Variants in PTPRD observed in about 807,000 individuals in gnomAD.
PTPRD encodes the protein protein tyrosine phosphatase receptor type D.
PTPRD carries 34 observed loss-of-function variants against 214.5 expected under a neutral mutation model. That is an observed-to-expected ratio of 0.16 (90% CI 0.12 to 0.21). The LOEUF is 0.21. Among genes scored for constraint, PTPRD ranks in the 10% least tolerant of loss-of-function variants. PTPRD has a pLI of 1.00. For synonymous variants in PTPRD, 1,128 were observed against 845.7 expected (o/e 1.33, Z -5.79); for missense variants, 2,545 against 2,398.7 (o/e 1.06, Z -1.27).
chr9:8,460,051 G>A (rs1200001896), intron 33 of PTPRD, among the ~76,000 whole-genome samples: 2 of 152,042 alleles, frequency 1.3e-5, no homozygotes, highest in African/African-American at 4.8e-5. Flanking sequence ...CACTGAAATC[G>A]AGCAATTAAT....
At chr9:8,538,065 C>T (rs1488748021) in intron 14 of PTPRD, among the ~76,000 whole-genome samples, 1 of 151,922 alleles carries the variant, frequency 6.6e-6, no homozygotes, top group African/African-American at 2.4e-5. Context: ...AATACTTAGG[C>T]ATCAGGGAAA....
At chr9:8,749,483 C>G (rs1565774259) in intron 11 of PTPRD, among the ~76,000 whole-genome samples, 1 of 152,152 alleles carries the variant, frequency 6.6e-6, no homozygotes, top group African/African-American at 2.4e-5. Context: ...CCACCATGAC[C>G]AGGTGAAGTT....
At chr9:10,000,745 T>C (rs1018015470) in intron 4 of PTPRD, among the ~76,000 whole-genome samples, 18 of 152,332 alleles carry the variant, frequency 1.2e-4, no homozygotes, top group South Asian at 1.0e-3. Context: ...TGCTGGTGAT[T>C]AGAAACTAGG....
intron 12 of PTPRD, 79 bp from the exon 13 acceptor site, chr9:8,636,923 C>A (rs1182293422): frequency 7.3e-7 from 1 of 1,377,420 alleles, no homozygotes; most frequent in South Asian, 1.3e-5. Flanking sequence ...GCTCTCCCCA[C>A]CATCCTCAAC....
At chr9:10,213,922 G>T (rs1287956040) in intron 3 of PTPRD, among the ~76,000 whole-genome samples, 1 of 152,032 alleles carries the variant, frequency 6.6e-6, no homozygotes, top group Admixed American at 6.6e-5. Flanking sequence ...TGATGGTTAA[G>T]ATTTACAGCA....
intron 9 of PTPRD, among the ~76,000 whole-genome samples, chr9:9,240,749 A>G (rs2099969968): frequency 6.6e-6 from 1 of 152,214 alleles, no homozygotes; most frequent in African/African-American, 2.4e-5. Flanking sequence ...TAAAATTCCT[A>G]GAAGTCTATA....
chr9:9,408,666 C>T (rs1424767614), intron 8 of PTPRD, among the ~76,000 whole-genome samples: 1 of 151,834 alleles, frequency 6.6e-6, no homozygotes, highest in African/African-American at 2.4e-5. Context: ...GAATAGGGAT[C>T]TGGGTTATCA....
intron 12 of PTPRD, among the ~76,000 whole-genome samples, chr9:8,730,967 C>G (rs1598227605): frequency 1.3e-5 from 2 of 152,172 alleles, no homozygotes; most frequent in Admixed American, 6.5e-5. Context: ...AAATCAGATA[C>G]AAACACACGT....
intron 11 of PTPRD, among the ~76,000 whole-genome samples, chr9:8,947,042 T>TG (rs2099069852): frequency 7.6e-6 from 1 of 132,386 alleles, no homozygotes; most frequent in African/African-American, 3.0e-5. Context: ...TTTTTTTTTT[T>TG]GTGTGTGTGT....
Position 8,932,206 on chromosome 9 carries a change from G to C in PTPRD, c.-104+86491C>G, listed in dbSNP as rs193020034. 2.5e-3 allele frequency among the ~76,000 whole-genome samples: 378 copies of C among 152,136 alleles called. 5 individuals are homozygous for C. Among genetic ancestry groups the C allele is most frequent in the Admixed American group, 4.3e-3 (66 of 15,264 alleles). On this transcript the variant is annotated intron_variant, in intron 11 of 45. Transcript: ENST00000381196. ...TGTTTCTTGCCTTCTGCTAGCTTTT[G>C]AATTTGTTTGCTCTTGCCTCTCTAG...
intron 7 of PTPRD, among the ~76,000 whole-genome samples, chr9:9,626,371 A>G (rs2095425901): frequency 6.6e-6 from 1 of 152,202 alleles, no homozygotes; most frequent in Non-Finnish European, 1.5e-5. Flanking sequence ...TTCAGCAGCC[A>G]GCATAGTGCC....
chr9:8,935,001 GTATATATACTTA>G (rs1315918074), intron 11 of PTPRD, among the ~76,000 whole-genome samples: 1 of 151,614 alleles, frequency 6.6e-6, no homozygotes, highest in Non-Finnish European at 1.5e-5. Flanking sequence ...GTCTTTCTGT[GTATATATACTTA>G]TATATACACA....
At chr9:8,356,831 T>G (rs2077099285) in intron 39 of PTPRD, among the ~76,000 whole-genome samples, 1 of 152,136 alleles carries the variant, frequency 6.6e-6, no homozygotes, top group Non-Finnish European at 1.5e-5. Flanking sequence ...AATGATTCAT[T>G]GAGAGCTCTG....
At chr9:9,031,188 A>C (rs986171415) in intron 10 of PTPRD, among the ~76,000 whole-genome samples, 10 of 142,310 alleles carry the variant, frequency 7.0e-5, no homozygotes, top group African/African-American at 2.6e-4. Flanking sequence ...CCAGGAAATA[A>C]ACCATATAAA....
intron 6 of PTPRD, among the ~76,000 whole-genome samples, chr9:9,750,263 AAAT>A (rs1191606584): frequency 6.6e-6 from 1 of 152,174 alleles, no homozygotes; most frequent in African/African-American, 2.4e-5. Flanking sequence ...CTCAAAAATA[AAAT>A]AATGTGAATG....
chr9:9,425,666 T>G (rs916441551), intron 8 of PTPRD, among the ~76,000 whole-genome samples: 3 of 151,842 alleles, frequency 2.0e-5, no homozygotes, highest in Admixed American at 6.6e-5. Flanking sequence ...TACTAAATTT[T>G]ATACTTGAAA....
intron 11 of PTPRD, among the ~76,000 whole-genome samples, chr9:8,876,195 C>G (rs946880693): frequency 6.6e-6 from 1 of 151,294 alleles, no homozygotes. Context: ...TAATCCAAAC[C>G]AAGAGAGCCT....
intron 9 of PTPRD, among the ~76,000 whole-genome samples, chr9:9,347,012 A>T (rs1447006600): frequency 6.6e-6 from 1 of 151,950 alleles, no homozygotes; most frequent in Non-Finnish European, 1.5e-5. Flanking sequence ...ATCTTAACAC[A>T]GCCCCTGGGG....
At chr9:10,516,211 A>AT (rs1213645503) in intron 2 of PTPRD, among the ~76,000 whole-genome samples, 1 of 151,626 alleles carries the variant, frequency 6.6e-6, no homozygotes, top group African/African-American at 2.4e-5. Flanking sequence ...AAGGGTTCCA[A>AT]TTTTTCTATA....
Sources: allele counts gnomAD v4.1 joint callset (sites outside exome capture counted in the v4.1 genomes callset), GRCh38; gene constraint gnomAD v4.1.1; transcripts MANE v1.5; gene names NCBI Gene and HGNC (gene_info 2026-07-23, HGNC 2026-07-21).